The following HNRNPD variants were observed in gnomAD, a reference collection of about 807,000 sequenced individuals.
HNRNPD encodes heterogeneous nuclear ribonucleoprotein D, also known as heterogeneous nuclear ribonucleoprotein D0.
HNRNPD carries 3 observed loss-of-function variants against 47.9 expected under a neutral mutation model. The ratio of observed to expected loss-of-function variants is 0.06; its 90% CI spans 0.03 to 0.16. HNRNPD has a LOEUF of 0.16. HNRNPD is among the 10% of genes least tolerant of loss of function. The pLI, the probability that HNRNPD is intolerant of heterozygous loss-of-function variation, is 1.00. For synonymous variants in HNRNPD, 171 were observed against 165.1 expected (o/e 1.04, Z -0.28); for missense variants, 287 against 454.2 (o/e 0.63, Z 3.35).
intron 2 of HNRNPD, among the ~76,000 whole-genome samples, chr4:82,370,779 A>G (rs1045146): frequency 0.033 from 5,050 of 152,272 alleles, 272 homozygotes; most frequent in African/African-American, 0.12. Flanking sequence ...CTAAAAGCAG[A>G]AAGACTGACA....
intron 1 of HNRNPD, among the ~76,000 whole-genome samples, chr4:82,372,101 G>A (rs879583119): frequency 1.3e-5 from 2 of 151,470 alleles, no homozygotes; most frequent in Non-Finnish European, 2.9e-5. Context: ...AGATTAAAGC[G>A]ACATCTTGTT....
At chr4:82,361,826 A>G (rs1719455341) in intron 2 of HNRNPD, among the ~76,000 whole-genome samples, 1 of 152,164 alleles carries the variant, frequency 6.6e-6, no homozygotes, top group Admixed American at 6.5e-5. Flanking sequence ...GTGCTCTCCA[A>G]ACGTACTCCC....
chr4:82,365,022 G>A (rs1428353566), intron 2 of HNRNPD, among the ~76,000 whole-genome samples: 1 of 151,972 alleles, frequency 6.6e-6, no homozygotes, highest in African/African-American at 2.4e-5. Flanking sequence ...CCCAATTTTG[G>A]AATAGTATTC....
At chr4:82,373,119 C>T (rs1253848252) in intron 1 of HNRNPD, 6 of 567,072 alleles carry the variant, frequency 1.1e-5, no homozygotes, top group South Asian at 9.2e-5. Context: ...AAAAAGGTAC[C>T]CCACGACAGG....
intron 7 of HNRNPD, 64 bp from the exon 8 acceptor site, chr4:82,355,465 C>A (rs368554462): frequency 1.4e-5 from 16 of 1,164,386 alleles, no homozygotes; most frequent in African/African-American, 1.2e-4. Context: ...CAGAACAGTA[C>A]CTAATTTTAA....
chr4:82,362,031 T>A (rs1719477156), intron 2 of HNRNPD, among the ~76,000 whole-genome samples: 1 of 152,218 alleles, frequency 6.6e-6, no homozygotes, highest in Non-Finnish European at 1.5e-5. Flanking sequence ...CCCTCTCTAA[T>A]CTTTCCCCAA....
chr4:82,371,419 A>G, intron 2 of HNRNPD, 109 bp downstream of exon 2: 1 of 814,576 alleles, frequency 1.2e-6, no homozygotes. Flanking sequence ...TGTATGTACT[A>G]TGGTCTAGAA....
intron 2 of HNRNPD, among the ~76,000 whole-genome samples, chr4:82,371,111 C>T (rs1391610386): frequency 1.3e-5 from 2 of 152,170 alleles, no homozygotes; most frequent in Admixed American, 1.3e-4. Flanking sequence ...CAGAATATTT[C>T]AGTATAACAT....
At chr4:82,369,537 T>A (rs989317295) in intron 2 of HNRNPD, among the ~76,000 whole-genome samples, 1 of 151,170 alleles carries the variant, frequency 6.6e-6, no homozygotes, top group Non-Finnish European at 1.5e-5. Context: ...CAGAAGGAAA[T>A]GCACACAGAA....
chr4:82,361,587 G>A (rs1393355885), intron 2 of HNRNPD, among the ~76,000 whole-genome samples: 2 of 152,170 alleles, frequency 1.3e-5, no homozygotes, highest in Admixed American at 6.5e-5. Flanking sequence ...GGTCTATTCA[G>A]ATATGGAGAC....
rs760643199 is a variant in HNRNPD at position 82,373,436 on chromosome 4, C to T, written c.233+10G>A. On this transcript the variant is annotated intron_variant, in intron 1 of 8. Coordinates refer to ENST00000313899, the MANE Select transcript of HNRNPD (RefSeq NM_031370.3). ...TTGGGCCTGACTATCCTGGGATGCCCCTTACTCACCCTTCATCCTCCTCGT... is the reference window on the plus strand; with the variant it reads ...TTGGGCCTGACTATCCTGGGATGCCTCTTACTCACCCTTCATCCTCCTCGT... 5.9e-5 allele frequency: 92 copies of T among 1,572,170 alleles called. No homozygotes were observed. Among genetic ancestry groups the T allele is most frequent in the Non-Finnish European group, 7.2e-5 (83 of 1,157,454 alleles).
chr4:82,373,494 T>C lies in HNRNPD; in HGVS notation c.185A>G (p.Glu62Gly), dbSNP rs555921853. 4.5e-6 allele frequency: 7 copies of C among 1,551,438 alleles called. No individual in the cohort carries two copies. In the Admixed American group the frequency reaches 5.9e-5, roughly 13 times the overall value. ...ASGGTEGGSA[E>G]SEGAKIDASK... is the part of the protein sequence containing the mutation. ...GGCGTCAATCTTCGCCCCCTCCGACTCGGCGCTGCCCCCTTCGGTGCCTCC... is the reference window on the plus strand; with the variant it reads ...GGCGTCAATCTTCGCCCCCTCCGACCCGGCGCTGCCCCCTTCGGTGCCTCC... Residue 62 changes from glutamate to glycine, a missense_variant, in exon 1 of 9, where the codon GAG (glutamate) becomes GGG (glycine). Around this residue, in one of 5 missense-constraint regions of HNRNPD, gnomAD observed 161 missense variants for 137.1 expected, o/e 1.17. Coordinates refer to ENST00000313899, the MANE Select transcript of HNRNPD (RefSeq NM_031370.3).
intron 2 of HNRNPD, among the ~76,000 whole-genome samples, chr4:82,366,771 G>A (rs927228073): frequency 7.9e-5 from 12 of 151,610 alleles, no homozygotes; most frequent in African/African-American, 2.7e-4. Flanking sequence ...ATGTTGGCCA[G>A]GCTGGTCTCC....
intron 2 of HNRNPD, among the ~76,000 whole-genome samples, chr4:82,369,037 C>T (rs557690478): frequency 3.9e-5 from 6 of 152,270 alleles, no homozygotes; most frequent in East Asian, 1.9e-4. Context: ...CTACCCAATC[C>T]AATGCAGGAA....
rs761749750 is a variant in HNRNPD, at chr4:82,373,706, G to A, written c.-28C>T. ...TGCTAGTGTCTCCGCCGCTGCCGCC[G>A]AGACTACACCCGCCGCTGCCGCGAA... On this transcript the variant is annotated 5_prime_UTR_variant, in exon 1 of 9. Transcript: ENST00000313899. The A allele has an allele frequency of 6.7e-7, 1 of 1,499,492 alleles. No homozygotes were observed. The highest frequency in any genetic ancestry group is 2.6e-5 in the East Asian group (1 of 39,072). 92.9% of individuals were successfully genotyped at this position (1,499,492 alleles called of 1,614,324 possible). A position where few individuals can be genotyped will look rare whatever the true frequency, so the allele number is the denominator to read the frequency against.
At chr4:82,372,089 C>T (rs1720073120) in intron 1 of HNRNPD, among the ~76,000 whole-genome samples, 1 of 152,034 alleles carries the variant, frequency 6.6e-6, no homozygotes, top group Non-Finnish European at 1.5e-5. Context: ...TTTTCTAATA[C>T]TAGATTAAAG....
rs1723584418 is a variant in HNRNPD, at chr4:82,353,354, T to C, written c.*831A>G. ...AACACGGTATATATTTCTTTAATCC[T>C]CCCTCAACACTTGAATTCATCTATG... On this transcript the variant is annotated 3_prime_UTR_variant, in exon 9 of 9. Transcript: ENST00000313899. 1 of 152,160 alleles carries C rather than the reference T, an allele frequency of 6.6e-6. No homozygotes were observed. The highest frequency in any genetic ancestry group is 1.5e-5 in the Non-Finnish European group (1 of 67,994). The allele number at this position is 152,160 out of a possible 1,614,324, so 9.4% of individuals were successfully genotyped here.
At chr4:82,366,846 C>T (rs527250598) in intron 2 of HNRNPD, among the ~76,000 whole-genome samples, 78 of 152,112 alleles carry the variant, frequency 5.1e-4, no homozygotes, top group Non-Finnish European at 9.7e-4. Context: ...CAGGTGTGAG[C>T]CACTACGCCT....
chr4:82,368,046 G>A (rs188371908), intron 2 of HNRNPD, among the ~76,000 whole-genome samples: 12 of 152,272 alleles, frequency 7.9e-5, no homozygotes, highest in Admixed American at 3.3e-4. Context: ...CGTTGAAGCA[G>A]AACTGAAGTC....
Sources: gnomAD v4.1 joint callset for allele counts (sites outside exome capture counted in the v4.1 genomes callset) on GRCh38, gnomAD v4.1.1 for gene constraint, gnomAD v4.1.1 regional missense constraint, MANE v1.5 for transcripts, NCBI Gene and HGNC (gene_info 2026-07-23, HGNC 2026-07-21) for gene names.